AOX1: variants seen among roughly 807,000 people sequenced by gnomAD.
The protein encoded by AOX1 is aldehyde oxidase.
In AOX1, 153 loss-of-function variants were observed where a neutral mutation model predicts 169.5. The observed-to-expected ratio is 0.90, with a 90% CI of 0.79 to 1.03. The LOEUF is 1.03. Among genes scored for constraint, AOX1 ranks in the 50% least tolerant of loss-of-function variants. The pLI is 0.00. For missense variants in AOX1, 1,656 were observed against 1,663.9 expected (o/e 1.00, Z 0.08); for synonymous variants, 562 against 581.9 (o/e 0.97, Z 0.49).
intron 32 of AOX1, 35 bp from the exon 33 acceptor site, chr2:200,668,580 C>T: frequency 1.3e-6 from 2 of 1,567,684 alleles, no homozygotes; most frequent in South Asian, 1.2e-5. Context: ...TGTGTTTTCT[C>T]ATACGTGGAA....
At chr2:200,675,823 T>A (rs2036090298), downstream of AOX1, among the ~76,000 whole-genome samples, 1 of 151,886 alleles carries the variant, frequency 6.6e-6, no homozygotes, top group Non-Finnish European at 1.5e-5. Flanking sequence ...ATTTTGACTA[T>A]TTTACAGAAA....
intron 20 of AOX1, among the ~76,000 whole-genome samples, chr2:200,633,924 G>C (rs2035177213): frequency 6.6e-6 from 1 of 152,192 alleles, no homozygotes; most frequent in Non-Finnish European, 1.5e-5. Flanking sequence ...GGGGTTGTAA[G>C]TCCAGGTTCC....
At chr2:200,598,411 T>G (rs1347144902) in intron 4 of AOX1, among the ~76,000 whole-genome samples, 4 of 152,238 alleles carry the variant, frequency 2.6e-5, no homozygotes, top group African/African-American at 9.6e-5. Flanking sequence ...AAAAGGCATC[T>G]TCAGACACCT....
chr2:200,680,574 C>T (rs1279064010), downstream of AOX1, among the ~76,000 whole-genome samples: 1 of 118,998 alleles, frequency 8.4e-6, no homozygotes, highest in African/African-American at 3.0e-5. Context: ...GAGGCAGAAT[C>T]TTGCTCTGTT....
chr2:200,624,854 A>G (rs752401442), intron 19 of AOX1, among the ~76,000 whole-genome samples: 5 of 152,236 alleles, frequency 3.3e-5, no homozygotes, highest in Non-Finnish European at 7.3e-5. Context: ...AATAGATGAG[A>G]CTCAGTCCAT....
downstream of AOX1, among the ~76,000 whole-genome samples, chr2:200,680,035 G>A (rs2036139310): frequency 6.6e-6 from 1 of 151,938 alleles, no homozygotes; most frequent in South Asian, 2.1e-4. Context: ...GCTATGATCG[G>A]GTCACCATAC....
rs769645849 is a variant in AOX1 at position 200,668,773 on chromosome 2, T to G, written c.3768T>G (p.Ser1256=). ...TELHIALLPP[S]QNSNTLYSSK... ...TGCACATTGCTTTGTTGCCTCCTTC[T>G]CAAAACTCAAATACTCTTTATTCAT... Residue 1256 remains serine, a synonymous_variant, in exon 33 of 35, where the codon TCT becomes TCG. Coordinates refer to ENST00000374700, the MANE Select transcript of AOX1 (RefSeq NM_001159.4). The G allele has an allele frequency of 9.3e-6, 15 of 1,614,026 alleles. No homozygotes were observed. The Admixed American group carries it at 2.5e-4, about 27-fold the overall frequency.
chr2:200,661,631 G>A lies in AOX1; in HGVS notation c.3428G>A (p.Arg1143Lys). The A allele has an allele frequency of 1.2e-6, 2 of 1,608,556 alleles. No individual in the cohort carries two copies. Among genetic ancestry groups the A allele is most frequent in the South Asian group, 2.2e-5 (2 of 90,984 alleles). ...AACCTTTCAGCTGTTGGATACTTCA[G>A]GTAAATACTCCCTCTGATCACATGC... ...SINLSAVGYFRGYESDMNWEK... is the reference protein window; with the variant it reads ...SINLSAVGYFKGYESDMNWEK... Residue 1143 changes from arginine to lysine, a missense_variant and splice_region_variant, in exon 30 of 35, where the codon AGA becomes AAA. Physicochemically the swap from Arg to Lys is conservative, Grantham distance 26. Coordinates refer to ENST00000374700, the MANE Select transcript of AOX1 (RefSeq NM_001159.4).
Position 200,659,267 on chromosome 2 carries a change from G to A in AOX1, c.3274G>A (p.Ala1092Thr), listed in dbSNP as rs1407730268. The stretch of plus-strand genomic sequence containing the variant: ...AAATATCTCTGGAGGTTCTGTGGTG[G>A]CAGATCTCAACGGTTTGGCAGTAAA... Reference protein sequence around the residue: ...NANISGGSVVADLNGLAVKDA... With the variant: ...NANISGGSVVTDLNGLAVKDA... Residue 1092 changes from alanine (A) to threonine (T), a missense_variant, in exon 28 of 35, where the codon GCA becomes ACA. Transcript: ENST00000374700. 1.2e-6 allele frequency: 2 copies of A among 1,613,252 alleles called. No homozygotes were observed. Among genetic ancestry groups the A allele is most frequent in the African/African-American group, 2.7e-5 (2 of 74,964 alleles).
At chr2:200,649,570 A>G (rs2715910) in intron 25 of AOX1, among the ~76,000 whole-genome samples, 88,138 of 151,976 alleles carry the variant, frequency 0.58, 26,842 homozygotes, top group Non-Finnish European at 0.68. Flanking sequence ...AACTTCCACA[A>G]GCTGCTCTGT....
At chr2:200,593,837 T>G (rs1379284331) in intron 2 of AOX1, among the ~76,000 whole-genome samples, 1 of 152,208 alleles carries the variant, frequency 6.6e-6, no homozygotes, top group Non-Finnish European at 1.5e-5. Flanking sequence ...AATATGTTTC[T>G]GAAACATGCT....
rs57410809 is a variant in AOX1 at position 200,630,210 on chromosome 2, T to TAAAAAAAAAAAAAAAAA, written c.2221+2772_2221+2788dup. On this transcript the variant is annotated intron_variant, in intron 20 of 34. Coordinates refer to ENST00000374700, the MANE Select transcript of AOX1 (RefSeq NM_001159.4). The stretch of plus-strand genomic sequence containing the variant: ...TCAATGTAGCAAGACTCCTTCTATT[T>TAAAAAAAAAAAAAAAAA]AAAAAAAAAAAAAAAAAAAAAAAAA... 1.0e-3 allele frequency among the ~76,000 whole-genome samples: 100 copies of TAAAAAAAAAAAAAAAAA among 95,512 alleles called. 1 individual carries two copies. The highest frequency in any genetic ancestry group is 4.3e-3 in the African/African-American group (93 of 21,866). 62.7% of individuals were successfully genotyped at this position (95,512 alleles called of 152,430 possible).
chr2:200,603,960 C>A, intron 7 of AOX1, 57 bp from the exon 8 acceptor site: 1 of 1,206,322 alleles, frequency 8.3e-7, no homozygotes, highest in Non-Finnish European at 1.2e-6. Flanking sequence ...GACCTTATTC[C>A]ACAAAGGATT....
intron 20 of AOX1, among the ~76,000 whole-genome samples, chr2:200,634,241 G>A (rs2035184522): frequency 1.5e-5 from 2 of 132,146 alleles, no homozygotes; most frequent in African/African-American, 5.8e-5. Flanking sequence ...AACTAAGTCT[G>A]GGATATCTGA....
intron 20 of AOX1, among the ~76,000 whole-genome samples, chr2:200,630,749 C>G (rs755215238): frequency 3.9e-5 from 6 of 152,244 alleles, no homozygotes; most frequent in Non-Finnish European, 7.3e-5. Flanking sequence ...CTCCTAATAT[C>G]TCATGATATT....
intron 19 of AOX1, 131 bp downstream of exon 19, chr2:200,624,114 T>C: frequency 1.9e-6 from 2 of 1,077,482 alleles, no homozygotes; most frequent in Non-Finnish European, 2.7e-6. Flanking sequence ...TATTAACCTC[T>C]AACCAGTCTC....
intron 12 of AOX1, 70 bp from the exon 13 acceptor site, chr2:200,611,314 C>T: frequency 1.9e-6 from 2 of 1,072,312 alleles, no homozygotes; most frequent in Non-Finnish European, 2.9e-6. Context: ...GGTAGAATTA[C>T]TTCCTAAGTT....
At chr2:200,601,240 T>C (rs1010834716) in intron 5 of AOX1, among the ~76,000 whole-genome samples, 1 of 152,130 alleles carries the variant, frequency 6.6e-6, no homozygotes, top group African/African-American at 2.4e-5. Flanking sequence ...AGCCCACTTA[T>C]ATGAGGAATC....
intron 15 of AOX1, 37 bp from the exon 16 acceptor site, chr2:200,615,934 A>G (rs369144729): frequency 6.7e-7 from 1 of 1,491,698 alleles, no homozygotes; most frequent in South Asian, 1.1e-5. Flanking sequence ...GGTGCATTCA[A>G]ACTATTTAAA....
Sources: gnomAD v4.1 joint callset for allele counts (sites outside exome capture counted in the v4.1 genomes callset) on GRCh38, gnomAD v4.1.1 for gene constraint, MANE v1.5 for transcripts, NCBI Gene and HGNC (gene_info 2026-07-23, HGNC 2026-07-21) for gene names.